The following CNTN4 variants were observed in gnomAD, a reference collection of about 807,000 sequenced individuals.
The protein encoded by CNTN4 is contactin 4.
Under a neutral mutation model 122.5 loss-of-function variants are expected in CNTN4, and 77 were observed. The observed-to-expected ratio is 0.63, with a 90% CI of 0.52 to 0.76. The LOEUF (loss-of-function observed/expected upper bound fraction) is 0.76. Ranked by LOEUF, CNTN4 falls within the 30% of genes least tolerant of loss-of-function variation. The probability of loss-of-function intolerance (pLI) is 0.00; values close to 1 mark genes in which losing one functional copy is unlikely to be tolerated. For missense variants in CNTN4, 1,256 were observed against 1,259.1 expected (o/e 1.00, Z 0.04); for synonymous variants, 512 against 447.0 (o/e 1.15, Z -1.83).
chr3:2,530,482 T>A (rs1310333143), intron 3 of CNTN4, among the ~76,000 whole-genome samples: 1 of 151,908 alleles, frequency 6.6e-6, no homozygotes, highest in African/African-American at 2.4e-5. Context: ...CTAATTTTTG[T>A]ATTTTTAGTA....
intron 7 of CNTN4, among the ~76,000 whole-genome samples, chr3:2,830,250 G>T (rs1023963676): frequency 6.6e-6 from 1 of 152,254 alleles, no homozygotes; most frequent in Middle Eastern, 3.4e-3. Context: ...TGGATACACA[G>T]ATTTCAATTC....
At chr3:2,864,730 A>T (rs890051327) in intron 7 of CNTN4, among the ~76,000 whole-genome samples, 5 of 149,644 alleles carry the variant, frequency 3.3e-5, no homozygotes, top group African/African-American at 1.3e-4. Context: ...CAAAAAGCAA[A>T]ACTCCATCTC....
In CNTN4 at chr3:2,658,122, C is replaced by T. The variant is rs35055687; in HGVS notation, c.56-78093C>T. 4.6e-3 allele frequency among the ~76,000 whole-genome samples: 689 copies of T among 150,980 alleles called. 7 individuals carry two copies. Among genetic ancestry groups the T allele is most frequent in the Middle Eastern group, 0.014 (4 of 294 alleles). On this transcript the variant is annotated intron_variant, in intron 4 of 24. Transcript: ENST00000418658. ...GAGACAGCCAGGTCGGAGGGGGTACCTGGCAAAACTCCAGCCAGCCTGTGC... is the reference window on the plus strand; with the variant it reads ...GAGACAGCCAGGTCGGAGGGGGTACTTGGCAAAACTCCAGCCAGCCTGTGC...
intron 2 of CNTN4, among the ~76,000 whole-genome samples, chr3:2,125,399 A>T (rs911792840): frequency 3.2e-4 from 48 of 149,530 alleles, no homozygotes; most frequent in Non-Finnish European, 7.4e-5. Context: ...TCATTTATTG[A>T]TAGATATTTA....
chr3:2,610,892 C>A (rs939878715), intron 4 of CNTN4, among the ~76,000 whole-genome samples: 5 of 152,012 alleles, frequency 3.3e-5, no homozygotes, highest in African/African-American at 1.2e-4. Context: ...TTCAGGTATA[C>A]AATGCAGGGA....
In CNTN4 at chr3:2,687,474, A is replaced by C. The variant is rs183181095; in HGVS notation, c.56-48741A>C. On this transcript the variant is annotated intron_variant, in intron 4 of 24. Transcript: ENST00000418658. ...CTGGAAGTTTGAGACCAGCCTGGGC[A>C]ACATGGTAAGACTCTATGTCTTCAA... Among the ~76,000 whole-genome samples the C allele has an allele frequency of 4.6e-3, 704 of 152,256 alleles. 3 individuals carry two copies. The highest frequency in any genetic ancestry group is 0.014 in the Middle Eastern group (4 of 294).
chr3:2,611,603 T>C (rs1336377109), intron 4 of CNTN4, among the ~76,000 whole-genome samples: 2 of 152,174 alleles, frequency 1.3e-5, no homozygotes, highest in Non-Finnish European at 2.9e-5. Flanking sequence ...TTTCCCTTTT[T>C]TCCTGGGTTA....
intron 2 of CNTN4, among the ~76,000 whole-genome samples, chr3:2,166,329 T>C (rs2036193650): frequency 6.6e-6 from 1 of 152,008 alleles, no homozygotes; most frequent in South Asian, 2.1e-4. Flanking sequence ...TGATAATAAT[T>C]ATTATCAAAA....
chr3:2,855,596 C>T (rs2093609640), intron 7 of CNTN4, among the ~76,000 whole-genome samples: 2 of 152,200 alleles, frequency 1.3e-5, no homozygotes, highest in African/African-American at 4.8e-5. Flanking sequence ...TTTCCTTGTG[C>T]ATAGAGATGT....
At chr3:2,348,963 C>G (rs2044505738) in intron 3 of CNTN4, among the ~76,000 whole-genome samples, 1 of 152,184 alleles carries the variant, frequency 6.6e-6, no homozygotes, top group Non-Finnish European at 1.5e-5. Context: ...AATGCATTCT[C>G]TTCTCCAAGC....
At chr3:2,232,601 A>G (rs1341981073) in intron 2 of CNTN4, among the ~76,000 whole-genome samples, 1 of 152,158 alleles carries the variant, frequency 6.6e-6, no homozygotes, top group Non-Finnish European at 1.5e-5. Context: ...AGTTTTTTAT[A>G]AATATTGCTA....
intron 3 of CNTN4, among the ~76,000 whole-genome samples, chr3:2,565,276 T>G (rs984605428): frequency 2.6e-5 from 4 of 152,182 alleles, no homozygotes; most frequent in African/African-American, 9.6e-5. Context: ...TTGGGACAAA[T>G]AATCTAATGA....
chr3:2,921,333 G>A (rs1332544682), intron 12 of CNTN4, among the ~76,000 whole-genome samples: 1 of 152,188 alleles, frequency 6.6e-6, no homozygotes, highest in East Asian at 1.9e-4. Flanking sequence ...CAACACACCT[G>A]ACCTCAGAGA....
chr3:2,897,930 A>T (rs1351635150), intron 10 of CNTN4, among the ~76,000 whole-genome samples: 1 of 152,212 alleles, frequency 6.6e-6, no homozygotes, highest in African/African-American at 2.4e-5. Context: ...CCAATGCATT[A>T]TCACAAAAGG....
At chr3:2,988,495 C>T (rs201430000) in intron 14 of CNTN4, 23 bp downstream of exon 14, 204 of 1,612,518 alleles carry the variant, frequency 1.3e-4, no homozygotes, top group African/African-American at 8.0e-4. Context: ...CCAAAGAATT[C>T]GAATATTTAT....
At chr3:2,182,537 A>G (rs933490987) in intron 2 of CNTN4, among the ~76,000 whole-genome samples, 1 of 152,128 alleles carries the variant, frequency 6.6e-6, no homozygotes, top group African/African-American at 2.4e-5. Flanking sequence ...ATTATGAACT[A>G]TCTGAACTAC....
intron 2 of CNTN4, among the ~76,000 whole-genome samples, chr3:2,200,819 G>A (rs1308190506): frequency 6.6e-6 from 1 of 152,064 alleles, no homozygotes; most frequent in Admixed American, 6.6e-5. Context: ...GATACTTTGG[G>A]CCATAGCCCC....
intron 3 of CNTN4, among the ~76,000 whole-genome samples, chr3:2,347,971 TTATACTG>T (rs2044467853): frequency 6.6e-6 from 1 of 152,178 alleles, no homozygotes; most frequent in Non-Finnish European, 1.5e-5. Context: ...TTTTTATTGT[TTATACTG>T]TATGTTTCTT....
chr3:2,185,000 G>C lies in CNTN4; in HGVS notation c.-145+84361G>C, dbSNP rs188611465. Reference sequence around the variant, plus strand: ...AAGGGAGAGTGGTCTACAATCACAGGGTTGTTTACCTGCAAGCTCCTCCTG... The same window carrying C: ...AAGGGAGAGTGGTCTACAATCACAGCGTTGTTTACCTGCAAGCTCCTCCTG... On this transcript the variant is annotated intron_variant, in intron 2 of 24. Transcript: ENST00000418658. Among the ~76,000 whole-genome samples the C allele has an allele frequency of 3.5e-4, 53 of 152,212 alleles. 1 individual carries two copies. The highest frequency in any genetic ancestry group is 3.2e-3 in the Admixed American group (49 of 15,288).
Sources: allele counts gnomAD v4.1 joint callset (sites outside exome capture counted in the v4.1 genomes callset), GRCh38; gene constraint gnomAD v4.1.1; transcripts MANE v1.5; gene names NCBI Gene and HGNC (gene_info 2026-07-23, HGNC 2026-07-21).